Variants in RD3 observed in about 807,000 individuals in gnomAD.
RD3 encodes the protein RD3 regulator of GUCY2D.
Under a neutral mutation model 16.9 loss-of-function variants are expected in RD3, and 11 were observed. That is an observed-to-expected ratio of 0.65 (90% CI 0.41 to 1.08). The LOEUF (loss-of-function observed/expected upper bound fraction) is 1.08, where lower values mean the gene tolerates loss of function less well. Among genes scored for constraint, RD3 ranks in the 50% least tolerant of loss-of-function variants. The pLI, the probability that RD3 is intolerant of heterozygous loss-of-function variation, is 0.00. For missense variants in RD3, 274 were observed against 267.4 expected (o/e 1.02, Z -0.17); for synonymous variants, 116 against 114.8 (o/e 1.01, Z -0.07).
intron 1 of RD3, among the ~76,000 whole-genome samples, chr1:211,489,005 T>C (rs960540456): frequency 6.6e-6 from 1 of 152,184 alleles, no homozygotes; most frequent in Admixed American, 6.5e-5. Flanking sequence ...AGATAAAACC[T>C]GAATTCAGTT....
chr1:211,490,075 C>T (rs1705455742), intron 1 of RD3, among the ~76,000 whole-genome samples: 1 of 152,198 alleles, frequency 6.6e-6, no homozygotes, highest in Non-Finnish European at 1.5e-5. Context: ...GCGCCACTAC[C>T]AGCTGTGGCT....
chr1:211,479,065 G>T lies in RD3; in HGVS notation c.559C>A (p.Pro187Thr), dbSNP rs1051185578. 6.2e-7 allele frequency: 1 copy of T among 1,605,208 alleles called. No individual in the cohort carries two copies. Among genetic ancestry groups the T allele is most frequent in the Non-Finnish European group, 8.5e-7 (1 of 1,176,320 alleles). The change falls in exon 3 of 3, where the codon CCC becomes ACC. Residue 187 changes from proline to threonine, a missense_variant. By Grantham distance (38) the Pro-to-Thr change is conservative. Transcript: ENST00000680073. ...TCGGCTTTGGGCGCCCGGAATTCGGGCATGCTCCAGGACCGCAGTGGCGGC... is the reference window on the plus strand; with the variant it reads ...TCGGCTTTGGGCGCCCGGAATTCGGTCATGCTCCAGGACCGCAGTGGCGGC... ...TPPPLRSWSM[P>T]EFRAPKAD
At chr1:211,483,511 C>A (rs1212377900) in intron 1 of RD3, among the ~76,000 whole-genome samples, 1 of 151,978 alleles carries the variant, frequency 6.6e-6, no homozygotes, top group Non-Finnish European at 1.5e-5. Flanking sequence ...CTAAGCCTAT[C>A]ACCAATGGAG....
At chr1:211,481,462 C>T in intron 1 of RD3, 36 bp from the exon 2 acceptor site, 2 of 1,597,730 alleles carry the variant, frequency 1.3e-6, no homozygotes, top group Non-Finnish European at 1.7e-6. Flanking sequence ...CTTTCCTGGG[C>T]CCCTCTGTTA....
At position 211,478,740 on chromosome 1, in the gene RD3, C is replaced by T. The variant is rs967941813; in HGVS notation, c.*296G>A. 4.5e-6 allele frequency: 2 copies of T among 447,102 alleles called. No homozygotes were observed. Among genetic ancestry groups the T allele is most frequent in the Admixed American group, 7.6e-5 (2 of 26,196 alleles). 27.7% of individuals were successfully genotyped at this position (447,102 alleles called of 1,614,324 possible). ...ACAGAACCAGGAGATGAGGATGGGGCAATGGTCTGTCTTCCAAAACCTTGA... is the reference window on the plus strand; with the variant it reads ...ACAGAACCAGGAGATGAGGATGGGGTAATGGTCTGTCTTCCAAAACCTTGA... On this transcript the variant is annotated 3_prime_UTR_variant, in exon 3 of 3. Transcript: ENST00000680073.
At chr1:211,490,761 T>G (rs866532253) in intron 1 of RD3, among the ~76,000 whole-genome samples, 30 of 152,130 alleles carry the variant, frequency 2.0e-4, no homozygotes, top group African/African-American at 7.2e-4. Flanking sequence ...GACAGACATC[T>G]GCTCATTTGT....
At position 211,481,220 on chromosome 1, in the gene RD3, T is replaced by G. The variant is rs1451534362; in HGVS notation, c.196A>C (p.Thr66Pro). 6.2e-7 allele frequency: 1 copy of G among 1,614,148 alleles called. No homozygotes were observed. The highest frequency in any genetic ancestry group is 8.5e-7 in the Non-Finnish European group (1 of 1,180,054). The stretch of plus-strand genomic sequence containing the variant: ...CTGAGGTCATAGGTGGACCGGGGTG[T>G]GCTGGCCAGCCAGCTGTAGTCCACA... ...TGVDYSWLASTPRSTYDLSPI... is the reference protein window; with the variant it reads ...TGVDYSWLASPPRSTYDLSPI... The change falls in exon 2 of 3, where the codon ACA (threonine) becomes CCA (proline). Residue 66 changes from threonine (T) to proline (P), a missense_variant. Transcript: ENST00000680073.
At chr1:211,483,968 T>G (rs532869202) in intron 1 of RD3, among the ~76,000 whole-genome samples, 1 of 152,292 alleles carries the variant, frequency 6.6e-6, no homozygotes, top group East Asian at 1.9e-4. Flanking sequence ...GCTCCATGCC[T>G]TTGTCATGTT....
At chr1:211,480,029 C>T (rs578086029) in intron 2 of RD3, among the ~76,000 whole-genome samples, 194 of 152,278 alleles carry the variant, frequency 1.3e-3, no homozygotes, top group African/African-American at 4.5e-3. Context: ...GACATGAGAC[C>T]GGAAATGAGA....
In RD3 at chr1:211,490,960, G is replaced by C. The variant is rs1367743716; in HGVS notation, c.-12+808C>G. Among the ~76,000 whole-genome samples the C allele has an allele frequency of 2.6e-5, 4 of 152,346 alleles. No homozygotes were observed. The East Asian group carries it at 7.7e-4, about 29-fold the overall frequency. The stretch of plus-strand genomic sequence containing the variant: ...CTAGCTATGAATTCTGCAAGGGCGA[G>C]AGGAATGTGGGTTGAATCTGCTGCA... On this transcript the variant is annotated intron_variant, in intron 1 of 2. Coordinates refer to ENST00000680073, the MANE Select transcript of RD3 (RefSeq NM_001164688.2).
chr1:211,488,217 T>C (rs1007746267), intron 1 of RD3, among the ~76,000 whole-genome samples: 2 of 152,154 alleles, frequency 1.3e-5, no homozygotes, highest in East Asian at 1.9e-4. Flanking sequence ...GTAATTCTTA[T>C]GAGACACAAT....
chr1:211,490,445 A>T (rs1166716166), intron 1 of RD3, among the ~76,000 whole-genome samples: 1 of 152,178 alleles, frequency 6.6e-6, no homozygotes, highest in African/African-American at 2.4e-5. Context: ...GCCCTGTGTG[A>T]CCCGCCGGAC....
chr1:211,488,838 T>A (rs1026431325), intron 1 of RD3, among the ~76,000 whole-genome samples: 1 of 152,036 alleles, frequency 6.6e-6, no homozygotes, highest in Non-Finnish European at 1.5e-5. Flanking sequence ...GGGCCTGGGG[T>A]CCAGTACCAT....
intron 1 of RD3, among the ~76,000 whole-genome samples, chr1:211,491,261 ACATC>A (rs952902960): frequency 6.6e-6 from 1 of 152,240 alleles, no homozygotes; most frequent in Admixed American, 6.5e-5. Context: ...GGACTGAGGC[ACATC>A]CATCACCCTC....
Position 211,477,841 on chromosome 1 carries a change from C to A in RD3, c.*1195G>T. 1 of 367,668 alleles carries A rather than the reference C, an allele frequency of 2.7e-6. No individual in the cohort carries two copies. Among genetic ancestry groups the A allele is most frequent in the Non-Finnish European group, 4.8e-6 (1 of 207,446 alleles). The allele number at this position is 367,668 out of a possible 1,614,324, so 22.8% of individuals were successfully genotyped here. A position where few individuals can be genotyped will look rare whatever the true frequency, so the allele number is the denominator to read the frequency against. On this transcript the variant is annotated 3_prime_UTR_variant, in exon 3 of 3. Transcript: ENST00000680073. The stretch of plus-strand genomic sequence containing the variant: ...GTAGTTGAGGGTAGACACTTCCCCA[C>A]CCATCCCCCTTACACCCCACTTCAA...
Position 211,479,255 on chromosome 1 carries a change from C to T in RD3, c.369G>A (p.Gln123=), listed in dbSNP as rs2102366496. 2 of 1,607,760 alleles carry T rather than the reference C, an allele frequency of 1.2e-6. No homozygotes were observed. The highest frequency in any genetic ancestry group is 2.2e-5 in the South Asian group (2 of 89,722). ...EVSQLFRSVL[Q]EVLERMKQEE... ...CCTGCTTCATCCTCTCCAGGACCTCCTGCAGCACCGAGCGGAAGAGCTGGG... is the reference window on the plus strand; with the variant it reads ...CCTGCTTCATCCTCTCCAGGACCTCTTGCAGCACCGAGCGGAAGAGCTGGG... The change falls in exon 3 of 3, where the codon CAG becomes CAA. Residue 123 remains glutamine, a synonymous_variant. Transcript: ENST00000680073.
intron 1 of RD3, among the ~76,000 whole-genome samples, chr1:211,488,481 G>A (rs1705420545): frequency 6.8e-6 from 1 of 147,462 alleles, no homozygotes; most frequent in Non-Finnish European, 1.5e-5. Context: ...GCTGCAGTGA[G>A]CCAAGATGGT....
chr1:211,478,445 A>T lies in RD3; in HGVS notation c.*591T>A, dbSNP rs913071969. ...AGCTGGCTGCAGTTAAAGGCAGAAG[A>T]AGTGTCCCTCTCTGAGCCTCAAGTT... On this transcript the variant is annotated 3_prime_UTR_variant, in exon 3 of 3. Coordinates refer to ENST00000680073, the MANE Select transcript of RD3 (RefSeq NM_001164688.2). 11 of 349,034 alleles carry T rather than the reference A, an allele frequency of 3.2e-5. No homozygotes were observed. The highest frequency in any genetic ancestry group is 5.1e-5 in the Non-Finnish European group (10 of 195,632). The allele number at this position is 349,034 out of a possible 1,614,324, so 21.6% of individuals were successfully genotyped here.
chr1:211,481,495 C>T, intron 1 of RD3, 69 bp from the exon 2 acceptor site: 15 of 1,476,234 alleles, frequency 1.0e-5, no homozygotes, highest in African/African-American at 1.4e-5. Flanking sequence ...AACCTGGGAA[C>T]CCAAGGGGGA....
Sources: gnomAD v4.1 joint callset for allele counts (sites outside exome capture counted in the v4.1 genomes callset) on GRCh38, gnomAD v4.1.1 for gene constraint, MANE v1.5 for transcripts, NCBI Gene and HGNC (gene_info 2026-07-23, HGNC 2026-07-21) for gene names.